CPSF3: variants seen among roughly 807,000 people sequenced by gnomAD.
The protein encoded by CPSF3 is cleavage and polyadenylation specific factor 3.
In CPSF3, 57 loss-of-function variants were observed where a neutral mutation model predicts 84.1. That is an observed-to-expected ratio of 0.68 (90% CI 0.55 to 0.85). The LOEUF (loss-of-function observed/expected upper bound fraction) is 0.85. Ranked by LOEUF, CPSF3 falls within the 40% of genes least tolerant of loss-of-function variation. CPSF3 has a pLI of 0.00. For missense variants in CPSF3, 522 were observed against 838.8 expected (o/e 0.62, Z 4.66); for synonymous variants, 275 against 278.1 (o/e 0.99, Z 0.11).
At chr2:9,448,372 CT>C in intron 11 of CPSF3, 22 bp downstream of exon 11, 2 of 1,572,214 alleles carry the variant, frequency 1.3e-6, no homozygotes, top group Non-Finnish European at 1.7e-6. Context: ...TGGTTCCTGT[CT>C]GTCCAATCCA....
intron 15 of CPSF3, among the ~76,000 whole-genome samples, chr2:9,463,562 G>C (rs1312124418): frequency 1.3e-5 from 2 of 152,182 alleles, no homozygotes; most frequent in African/African-American, 4.8e-5. Flanking sequence ...GTCACTCGTG[G>C]GGCTAAGTGA....
intron 1 of CPSF3, among the ~76,000 whole-genome samples, chr2:9,428,415 G>A (rs915790898): frequency 7.2e-5 from 11 of 152,076 alleles, no homozygotes; most frequent in African/African-American, 2.4e-4. Context: ...TATAATCTGC[G>A]TAACTGCTAG....
intron 8 of CPSF3, among the ~76,000 whole-genome samples, chr2:9,440,924 C>T (rs771057876): frequency 6.6e-6 from 1 of 152,164 alleles, no homozygotes; most frequent in African/African-American, 2.4e-5. Context: ...GGAGTCTTAC[C>T]GCTTCTCAAC....
chr2:9,445,005 T>C (rs1681082863), intron 10 of CPSF3, among the ~76,000 whole-genome samples: 1 of 152,134 alleles, frequency 6.6e-6, no homozygotes, highest in East Asian at 1.9e-4. Flanking sequence ...TGTGGTAAAA[T>C]ATCTAACATA....
rs145513929 is a variant in CPSF3, at chr2:9,466,424, GCA to G, written c.1787-1277_1787-1276del. On this transcript the variant is annotated intron_variant, in intron 15 of 17. Transcript: ENST00000238112. ...CACGCACGCGCACACACGCACACGC[GCA>G]CACACGCGCACACACACAAAATTAG... 2.0e-3 allele frequency among the ~76,000 whole-genome samples: 287 copies of G among 141,840 alleles called. 1 individual carries two copies. The highest frequency in any genetic ancestry group is 7.6e-3 in the African/African-American group (264 of 34,894). The allele number at this position is 141,840 out of a possible 152,430, so 93.1% of individuals were successfully genotyped here.
At position 9,452,921 on chromosome 2, in the gene CPSF3, A is replaced by T; in HGVS notation, c.1404A>T (p.Gly468=). The T allele has an allele frequency of 6.3e-7, 1 of 1,595,740 alleles. No homozygotes were observed. Among genetic ancestry groups the T allele is most frequent in the Non-Finnish European group, 8.5e-7 (1 of 1,174,780 alleles). ...FRGEKLAKVM[G]FLADKKPEQG... Reference sequence around the variant, plus strand: ...GTATTTTTTTTTTACAGGTTATGGGATTTTTAGCAGACAAAAAACCAGAAC... The same window carrying T: ...GTATTTTTTTTTTACAGGTTATGGGTTTTTTAGCAGACAAAAAACCAGAAC... The change falls in exon 12 of 18, where the codon GGA becomes GGT. Residue 468 remains glycine, a synonymous_variant. Coordinates refer to ENST00000238112, the MANE Select transcript of CPSF3 (RefSeq NM_016207.4).
rs1231120665 is a variant in CPSF3, at chr2:9,467,850, T to G, written c.1856+74T>G. On this transcript the variant is annotated intron_variant, in intron 16 of 17. Transcript: ENST00000238112. ...AAGGAGCCCTGGATTCGGCTCTGAC[T>G]CCTTCAAGGACTGGGGCGTGGCTCT... is the stretch of plus-strand genomic sequence containing the variant. The G allele has an allele frequency of 2.5e-6, 3 of 1,199,588 alleles. No homozygotes were observed. The East Asian group carries it at 7.0e-5, about 28-fold the overall frequency. The allele number at this position is 1,199,588 out of a possible 1,614,324, so 74.3% of individuals were successfully genotyped here. A position where few individuals can be genotyped will look rare whatever the true frequency, so the allele number is the denominator to read the frequency against.
At chr2:9,464,418 T>C (rs1681834376) in intron 15 of CPSF3, among the ~76,000 whole-genome samples, 1 of 152,104 alleles carries the variant, frequency 6.6e-6, no homozygotes, top group Non-Finnish European at 1.5e-5. Flanking sequence ...AGCCTAGATA[T>C]TTATTTTGTA....
At chr2:9,442,901 A>G (rs1681004013) in intron 9 of CPSF3, among the ~76,000 whole-genome samples, 1 of 151,928 alleles carries the variant, frequency 6.6e-6, no homozygotes. Flanking sequence ...AGTGCCTCAC[A>G]TCTGTAATCC....
chr2:9,465,655 T>C (rs376662265), intron 15 of CPSF3, among the ~76,000 whole-genome samples: 3 of 152,164 alleles, frequency 2.0e-5, no homozygotes, highest in Non-Finnish European at 2.9e-5. Flanking sequence ...CCATCCAAAC[T>C]TGAGATTTTC....
intron 3 of CPSF3, 59 bp downstream of exon 3, chr2:9,430,079 C>T: frequency 9.9e-7 from 1 of 1,010,194 alleles, no homozygotes; most frequent in Non-Finnish European, 1.5e-6. Flanking sequence ...CAAGATCATT[C>T]TTTACTAGAT....
intron 10 of CPSF3, among the ~76,000 whole-genome samples, chr2:9,446,896 A>G (rs1395055345): frequency 1.3e-5 from 2 of 152,204 alleles, no homozygotes; most frequent in East Asian, 1.9e-4. Flanking sequence ...CTGTAATCGT[A>G]CCACTCTGCA....
intron 15 of CPSF3, among the ~76,000 whole-genome samples, chr2:9,460,649 AAT>A (rs1253593781): frequency 6.6e-6 from 1 of 151,686 alleles, no homozygotes; most frequent in Non-Finnish European, 1.5e-5. Context: ...AAGTCAGCAT[AAT>A]ATATGTCTTT....
chr2:9,426,113 G>A (rs1680382310), intron 1 of CPSF3, among the ~76,000 whole-genome samples: 1 of 152,192 alleles, frequency 6.6e-6, no homozygotes, highest in African/African-American at 2.4e-5. Context: ...CTACATGCCA[G>A]GTACTGTAGC....
chr2:9,466,239 C>T (rs1034810291), intron 15 of CPSF3, among the ~76,000 whole-genome samples: 14 of 138,552 alleles, frequency 1.0e-4, no homozygotes, highest in Admixed American at 5.6e-4. Flanking sequence ...CACACGTGCG[C>T]GCACGCACGC....
At chr2:9,471,157 T>A (rs1308373703) in intron 16 of CPSF3, among the ~76,000 whole-genome samples, 186 bp from the exon 17 acceptor site, 1 of 151,694 alleles carries the variant, frequency 6.6e-6, no homozygotes, top group Non-Finnish European at 1.5e-5. Flanking sequence ...GAGGTTGTAG[T>A]GAGCCAAGAT....
At chr2:9,428,925 A>G (rs1306146311) in intron 2 of CPSF3, 97 bp downstream of exon 2, 29 of 721,502 alleles carry the variant, frequency 4.0e-5, no homozygotes, top group Non-Finnish European at 7.1e-5. Flanking sequence ...AGCTCCCAGA[A>G]AAATGTTATA....
intron 7 of CPSF3, among the ~76,000 whole-genome samples, chr2:9,439,034 G>A (rs186813707): frequency 5.9e-5 from 9 of 152,314 alleles, no homozygotes; most frequent in East Asian, 3.9e-4. Context: ...ATTGTGGGAT[G>A]TAGTCCGCTT....
chr2:9,455,872 T>G, intron 13 of CPSF3, 115 bp downstream of exon 13: 1 of 695,854 alleles, frequency 1.4e-6, no homozygotes, highest in Non-Finnish European at 2.3e-6. Context: ...TGTGTAAGTT[T>G]TATAAATATG....
Sources: allele counts gnomAD v4.1 joint callset (sites outside exome capture counted in the v4.1 genomes callset), GRCh38; gene constraint gnomAD v4.1.1; transcripts MANE v1.5; gene names NCBI Gene and HGNC (gene_info 2026-07-23, HGNC 2026-07-21).